The following DPYD variants were observed in gnomAD, a reference collection of about 807,000 sequenced individuals.
DPYD encodes dihydropyrimidine dehydrogenase.
DPYD carries 109 observed loss-of-function variants against 116.2 expected under a neutral mutation model. The ratio of observed to expected loss-of-function variants is 0.94; its 90% confidence interval spans 0.80 to 1.10. The LOEUF is 1.10. Ranked by LOEUF, DPYD falls within the 50% of genes least tolerant of loss-of-function variation. The pLI, the probability that DPYD is intolerant of heterozygous loss-of-function variation, is 0.00. For missense variants in DPYD, 1,302 were observed against 1,254.5 expected (o/e 1.04, Z -0.57); for synonymous variants, 440 against 432.0 (o/e 1.02, Z -0.23).
intron 14 of DPYD, among the ~76,000 whole-genome samples, chr1:97,421,114 C>G (rs1211928659): frequency 6.6e-6 from 1 of 152,122 alleles, no homozygotes; most frequent in East Asian, 1.9e-4. Context: ...GCCATGTGTA[C>G]TTGGTAAAGC....
intron 3 of DPYD, among the ~76,000 whole-genome samples, chr1:97,744,903 T>G (rs1185492007): frequency 6.6e-6 from 1 of 152,052 alleles, no homozygotes; most frequent in Non-Finnish European, 1.5e-5. Context: ...GTTCCACAAC[T>G]TTTATCCTTT....
chr1:97,717,127 A>G (rs1038477823), intron 5 of DPYD, among the ~76,000 whole-genome samples: 2 of 152,084 alleles, frequency 1.3e-5, no homozygotes, highest in African/African-American at 2.4e-5. Flanking sequence ...ATGAAAATAC[A>G]CTTACATGGA....
At chr1:97,343,610 T>C (rs1669693679) in intron 16 of DPYD, among the ~76,000 whole-genome samples, 1 of 152,120 alleles carries the variant, frequency 6.6e-6, no homozygotes, top group African/African-American at 2.4e-5. Context: ...TGTAGCATGA[T>C]TAAACAATAT....
chr1:97,367,492 T>C (rs1671098777), intron 16 of DPYD, among the ~76,000 whole-genome samples: 1 of 152,246 alleles, frequency 6.6e-6, no homozygotes, highest in South Asian at 2.1e-4. Context: ...ACAAAACTAA[T>C]GTTTGGACTG....
At chr1:97,205,806 G>T (rs1355945659) in intron 19 of DPYD, among the ~76,000 whole-genome samples, 1 of 152,048 alleles carries the variant, frequency 6.6e-6, no homozygotes, top group Non-Finnish European at 1.5e-5. Context: ...TACTGCTGGA[G>T]TCTGGCTGCT....
chr1:97,347,785 T>A (rs1669934915), intron 16 of DPYD, among the ~76,000 whole-genome samples: 1 of 152,172 alleles, frequency 6.6e-6, no homozygotes, highest in South Asian at 2.1e-4. Flanking sequence ...ATATGCATTA[T>A]CTCACACAGT....
chr1:97,623,411 T>C (rs1040340095), intron 8 of DPYD, among the ~76,000 whole-genome samples: 1 of 152,054 alleles, frequency 6.6e-6, no homozygotes, highest in African/African-American at 2.4e-5. Flanking sequence ...GCAAACATAA[T>C]TCACTGCAGA....
chr1:97,344,560 T>C (rs528621569), intron 16 of DPYD, among the ~76,000 whole-genome samples: 2 of 151,722 alleles, frequency 1.3e-5, no homozygotes, highest in Admixed American at 1.3e-4. Flanking sequence ...ATTCAATTTT[T>C]TTCTCTTTAC....
chr1:97,629,653 T>C (rs1657134460), intron 8 of DPYD, among the ~76,000 whole-genome samples: 1 of 151,886 alleles, frequency 6.6e-6, no homozygotes, highest in Non-Finnish European at 1.5e-5. Context: ...TTTCTGATAA[T>C]CCTATTTAAA....
At chr1:97,466,049 T>C (rs1357776117) in intron 13 of DPYD, among the ~76,000 whole-genome samples, 4 of 152,164 alleles carry the variant, frequency 2.6e-5, no homozygotes, top group African/African-American at 9.7e-5. Context: ...CGCAGTAAGC[T>C]ATGATTGCAC....
At chr1:97,288,656 A>T (rs1473052338) in intron 18 of DPYD, among the ~76,000 whole-genome samples, 1 of 143,964 alleles carries the variant, frequency 6.9e-6, no homozygotes, top group Non-Finnish European at 1.5e-5. Context: ...AAGACACAAC[A>T]TACCAGACTC....
intron 11 of DPYD, among the ~76,000 whole-genome samples, chr1:97,553,643 T>C (rs1013354690): frequency 1.3e-5 from 2 of 152,076 alleles, no homozygotes; most frequent in Non-Finnish European, 2.9e-5. Context: ...AAATGAATAT[T>C]AATAGAAGGA....
At chr1:97,266,999 T>C (rs1435732417) in intron 18 of DPYD, among the ~76,000 whole-genome samples, 2 of 152,168 alleles carry the variant, frequency 1.3e-5, no homozygotes, top group Non-Finnish European at 2.9e-5. Context: ...TACAGGTGCA[T>C]GTGTCTTTAT....
chr1:97,881,845 A>G (rs929675881), intron 2 of DPYD, among the ~76,000 whole-genome samples: 2 of 149,558 alleles, frequency 1.3e-5, no homozygotes, highest in Non-Finnish European at 3.0e-5. Context: ...ATTATATCAC[A>G]CTCTGGGGAC....
At chr1:97,574,121 T>G in intron 10 of DPYD, 151 bp from the exon 11 acceptor site, 1 of 1,351,042 alleles carries the variant, frequency 7.4e-7, no homozygotes, top group Non-Finnish European at 1.0e-6. Context: ...AGTTACCAGT[T>G]ATTTGCATTT....
At chr1:97,144,168 A>G (rs915697031) in intron 20 of DPYD, among the ~76,000 whole-genome samples, 1 of 152,236 alleles carries the variant, frequency 6.6e-6, no homozygotes, top group Non-Finnish European at 1.5e-5. Context: ...AAGCAAAAAG[A>G]CAACAAATGG....
chr1:97,294,424 T>C (rs930375196), intron 18 of DPYD, among the ~76,000 whole-genome samples: 4 of 152,158 alleles, frequency 2.6e-5, no homozygotes, highest in African/African-American at 9.7e-5. Context: ...TACCTCACCG[T>C]CTTCAAAATG....
chr1:97,382,378 T>G lies in DPYD; in HGVS notation c.1974+15A>C. 6.5e-7 allele frequency: 1 copy of G among 1,534,114 alleles called. No homozygotes were observed. The highest frequency in any genetic ancestry group is 8.9e-7 in the Non-Finnish European group (1 of 1,119,242). On this transcript the variant is annotated intron_variant, in intron 15 of 22. Transcript: ENST00000370192. ...GAGAAGAAATAAAATAAATATATAC[T>G]AAAGTAACCATTACCTCAGACTTCT...
intron 2 of DPYD, among the ~76,000 whole-genome samples, chr1:97,845,133 C>T (rs1476238446): frequency 2.0e-5 from 3 of 152,180 alleles, no homozygotes; most frequent in Non-Finnish European, 4.4e-5. Context: ...ACGCAGACAG[C>T]CTCAAGCATG....
Sources: gnomAD v4.1 joint callset for allele counts (sites outside exome capture counted in the v4.1 genomes callset) on GRCh38, gnomAD v4.1.1 for gene constraint, MANE v1.5 for transcripts, NCBI Gene and HGNC (gene_info 2026-07-23, HGNC 2026-07-21) for gene names.